PHF14: variants seen among roughly 807,000 people sequenced by gnomAD.
PHF14 encodes PHD finger protein 14.
A neutral mutation model predicts 117.9 loss-of-function variants in PHF14; 55 were observed. The ratio of observed to expected loss-of-function variants is 0.47; its 90% CI spans 0.38 to 0.58. The LOEUF is 0.58. Among genes scored for constraint, PHF14 ranks in the 20% least tolerant of loss-of-function variants. PHF14 has a pLI of 0.00. For missense variants in PHF14, 978 were observed against 1,122.2 expected (o/e 0.87, Z 1.84); for synonymous variants, 409 against 368.6 (o/e 1.11, Z -1.26).
At position 11,032,547 on chromosome 7, in the gene PHF14, AG is replaced by A. The variant is rs542485476; in HGVS notation, c.1456-3091del. ...TTCTAGACCAAATCATGGCATCTAG[AG>A]GACCACAAGCTAAACTTAATCCATA... is the stretch of plus-strand genomic sequence containing the variant. On this transcript the variant is annotated intron_variant, in intron 7 of 17. Coordinates refer to ENST00000634607, the MANE Select transcript of PHF14 (RefSeq NM_001007157.2). Among the ~76,000 whole-genome samples, 885 of 152,148 alleles carry A rather than the reference AG, an allele frequency of 5.8e-3. 4 individuals carry two copies. The highest frequency in any genetic ancestry group is 8.8e-3 in the Non-Finnish European group (597 of 67,996).
chr7:11,080,876 G>A (rs1786073410), intron 16 of PHF14, among the ~76,000 whole-genome samples: 1 of 152,148 alleles, frequency 6.6e-6, no homozygotes, highest in African/African-American at 2.4e-5. Flanking sequence ...ACTAATCCAT[G>A]TGTTAATTGC....
intron 4 of PHF14, among the ~76,000 whole-genome samples, chr7:10,999,829 TTGTGTC>T (rs1782796836): frequency 6.6e-6 from 1 of 152,210 alleles, no homozygotes; most frequent in Non-Finnish European, 1.5e-5. Flanking sequence ...CAACAGGATG[TTGTGTC>T]TATATAAAGT....
At chr7:11,077,206 T>C (rs1021585711) in intron 16 of PHF14, among the ~76,000 whole-genome samples, 12 of 151,976 alleles carry the variant, frequency 7.9e-5, no homozygotes, top group African/African-American at 2.4e-5. Flanking sequence ...ATATTATTGC[T>C]CTAATTATAA....
At chr7:10,984,908 C>G (rs903460761) in intron 3 of PHF14, among the ~76,000 whole-genome samples, 3 of 152,070 alleles carry the variant, frequency 2.0e-5, no homozygotes, top group African/African-American at 7.3e-5. Flanking sequence ...CAAACACATT[C>G]CAGGAATGAG....
intron 4 of PHF14, among the ~76,000 whole-genome samples, chr7:11,010,344 G>A (rs955704064): frequency 3.3e-5 from 5 of 152,102 alleles, no homozygotes; most frequent in African/African-American, 1.2e-4. Flanking sequence ...TACCCAAGGT[G>A]ATGAAGATGA....
intron 17 of PHF14, among the ~76,000 whole-genome samples, chr7:11,143,876 A>G (rs1361854458): frequency 6.6e-6 from 1 of 152,072 alleles, no homozygotes; most frequent in Admixed American, 6.6e-5. Flanking sequence ...TGACAAATGG[A>G]ACTATATCAA....
chr7:11,005,833 A>G (rs114834781), intron 4 of PHF14, among the ~76,000 whole-genome samples: 3,945 of 119,052 alleles, frequency 0.033, 194 homozygotes, highest in African/African-American at 0.12. Context: ...TCGTTCTTTC[A>G]CCAGGCTACA....
At chr7:10,977,211 ACG>A (rs1781898310) in intron 2 of PHF14, among the ~76,000 whole-genome samples, 1 of 152,104 alleles carries the variant, frequency 6.6e-6, no homozygotes. Context: ...AGCCCTACTT[ACG>A]AATAGGAGAT....
chr7:11,071,965 T>TTAAA (rs756920017), intron 16 of PHF14, among the ~76,000 whole-genome samples: 5 of 152,248 alleles, frequency 3.3e-5, no homozygotes, highest in Non-Finnish European at 5.9e-5. Flanking sequence ...AAAGTGTCTA[T>TTAAA]TATTTTGAGA....
At chr7:11,127,975 A>T (rs1459040437) in intron 17 of PHF14, among the ~76,000 whole-genome samples, 1 of 151,992 alleles carries the variant, frequency 6.6e-6, no homozygotes, top group Non-Finnish European at 1.5e-5. Context: ...CCTCCAGGCC[A>T]CCATTTACTC....
At chr7:11,115,798 C>G (rs954592183) in intron 17 of PHF14, among the ~76,000 whole-genome samples, 15 of 151,998 alleles carry the variant, frequency 9.9e-5, no homozygotes, top group African/African-American at 3.6e-4. Flanking sequence ...CCTTAACTTT[C>G]ATTAGCTTGT....
At chr7:11,122,412 CGT>C (rs1491414774) in intron 17 of PHF14, among the ~76,000 whole-genome samples, 13 of 119,560 alleles carry the variant, frequency 1.1e-4, no homozygotes, top group East Asian at 4.8e-4. Context: ...TATATATACA[CGT>C]ATATATATAT....
chr7:10,992,219 A>G (rs892226061), intron 4 of PHF14, among the ~76,000 whole-genome samples: 5 of 150,286 alleles, frequency 3.3e-5, no homozygotes, highest in Non-Finnish European at 5.9e-5. Context: ...ATGCCTGGCT[A>G]ATTTTTGTAT....
At chr7:11,105,280 A>T in intron 16 of PHF14, 1 of 949,670 alleles carries the variant, frequency 1.1e-6, no homozygotes, top group Non-Finnish European at 1.3e-6. Context: ...ATCTGATTTT[A>T]TATTTATGAT....
chr7:11,069,401 T>C lies in PHF14; in HGVS notation c.2654+7316T>C, dbSNP rs530004152. 1.2e-3 allele frequency among the ~76,000 whole-genome samples: 178 copies of C among 152,218 alleles called. 1 individual carries two copies. The highest frequency in any genetic ancestry group is 4.0e-3 in the African/African-American group (166 of 41,538). ...GAGAAGTGCCTTCAAGTCTCCTTAA[T>C]AAGGAGGACGATAAGGCACAGGTAT... On this transcript the variant is annotated intron_variant, in intron 16 of 17. Coordinates refer to ENST00000634607, the MANE Select transcript of PHF14 (RefSeq NM_001007157.2).
chr7:11,065,968 T>C (rs1785410621), intron 16 of PHF14, among the ~76,000 whole-genome samples: 1 of 152,208 alleles, frequency 6.6e-6, no homozygotes, highest in South Asian at 2.1e-4. Flanking sequence ...AAATGATCTA[T>C]TAAGCTATTT....
chr7:11,016,231 T>C (rs1381897689), intron 5 of PHF14, among the ~76,000 whole-genome samples: 1 of 152,158 alleles, frequency 6.6e-6, no homozygotes, highest in African/African-American at 2.4e-5. Flanking sequence ...GTACTGGAAA[T>C]TATAGGCCTT....
intron 5 of PHF14, among the ~76,000 whole-genome samples, chr7:11,021,681 G>T (rs1034234895): frequency 1.2e-4 from 19 of 152,146 alleles, no homozygotes; most frequent in African/African-American, 4.6e-4. Flanking sequence ...TGAGAAAGCA[G>T]CTGCTTGTTG....
intron 17 of PHF14, among the ~76,000 whole-genome samples, chr7:11,117,869 G>T (rs1432266845): frequency 4.0e-5 from 6 of 151,458 alleles, no homozygotes; most frequent in African/African-American, 1.5e-4. Flanking sequence ...TATAACTGAC[G>T]CATAAAAAAG....
Sources: gnomAD v4.1 joint callset for allele counts (sites outside exome capture counted in the v4.1 genomes callset) on GRCh38, gnomAD v4.1.1 for gene constraint, MANE v1.5 for transcripts, NCBI Gene and HGNC (gene_info 2026-07-23, HGNC 2026-07-21) for gene names.